BTAF1: variants seen among roughly 807,000 people sequenced by gnomAD.
BTAF1 encodes TATA-binding protein-associated factor 172.
Under a neutral mutation model 227.1 loss-of-function variants are expected in BTAF1, and 38 were observed. The observed-to-expected ratio is 0.17, with a 90% CI of 0.13 to 0.22. The LOEUF (loss-of-function observed/expected upper bound fraction) is 0.22. Ranked by LOEUF, BTAF1 falls within the 10% of genes least tolerant of loss-of-function variation. The probability of loss-of-function intolerance (pLI) is 1.00; values close to 1 mark genes in which losing one functional copy is unlikely to be tolerated. For synonymous variants in BTAF1, 742 were observed against 751.9 expected (o/e 0.99, Z 0.21); for missense variants, 1,598 against 2,204.0 (o/e 0.73, Z 5.51).
Position 92,029,506 on chromosome 10 carries a change from T to C in BTAF1, c.*573T>C, listed in dbSNP as rs1448298177. 1 of 152,142 alleles carries C rather than the reference T, an allele frequency of 6.6e-6. No individual in the cohort carries two copies. Among genetic ancestry groups the C allele is most frequent in the Non-Finnish European group, 1.5e-5 (1 of 67,910 alleles). The allele number at this position is 152,142 out of a possible 1,614,324, so 9.4% of individuals were successfully genotyped here. A position where few individuals can be genotyped will look rare whatever the true frequency, so the allele number is the denominator to read the frequency against. ...ATGCAGATGCATAGTGTTTTTCAAA[T>C]CTTTAACATCATTTTTTCAACTTTT... On this transcript the variant is annotated 3_prime_UTR_variant, in exon 38 of 38. Coordinates refer to ENST00000265990, the MANE Select transcript of BTAF1 (RefSeq NM_003972.3).
intron 14 of BTAF1, among the ~76,000 whole-genome samples, chr10:91,975,749 T>C (rs1354991159): frequency 6.6e-6 from 1 of 152,162 alleles, no homozygotes; most frequent in Non-Finnish European, 1.5e-5. Context: ...GTGTACCCAT[T>C]TTGTGGGAAG....
In BTAF1 at chr10:91,982,710, A is replaced by G. The variant is rs1225782546; in HGVS notation, c.2172A>G (p.Leu724=). The G allele has an allele frequency of 3.1e-6, 5 of 1,613,822 alleles. No individual in the cohort carries two copies. In the South Asian group the frequency reaches 5.5e-5, roughly 18 times the overall value. Residue 724 remains leucine (L), a synonymous_variant, in exon 18 of 38, where the codon TTA becomes TTG. Coordinates refer to ENST00000265990, the MANE Select transcript of BTAF1 (RefSeq NM_003972.3). ...LLFHLNSKSA[L]QRISVALVIC... is the part of the protein sequence containing the mutation. ...TCCATTTGAACTCCAAGTCTGCTTT[A>G]CAGAGGATTAGTGTAGCTTTGGTAA... is the stretch of plus-strand genomic sequence containing the variant.
chr10:91,951,487 G>A lies in BTAF1; in HGVS notation c.485G>A (p.Gly162Glu), dbSNP rs373667435. 6.2e-7 allele frequency: 1 copy of A among 1,613,082 alleles called. No individual in the cohort carries two copies. Among genetic ancestry groups the A allele is most frequent in the Non-Finnish European group, 8.5e-7 (1 of 1,179,608 alleles). ...KLGLNMGEAI[G>E]MSTEELFNDE... ...GGCCTTAATATGGGAGAAGCAATTG[G>A]AATGAGTACTGAAGAACTTTTCAAT... Residue 162 changes from glycine to glutamate, a missense_variant, in exon 5 of 38, where the codon GGA becomes GAA. Physicochemically the swap from Gly to Glu is moderately conservative, Grantham distance 98 (BLOSUM62 -2). Coordinates refer to ENST00000265990, the MANE Select transcript of BTAF1 (RefSeq NM_003972.3).
chr10:91,954,553 GTTT>G (rs372549424), intron 6 of BTAF1, among the ~76,000 whole-genome samples: 1 of 147,420 alleles, frequency 6.8e-6, no homozygotes, highest in Non-Finnish European at 1.5e-5. Context: ...AAAAAATGCT[GTTT>G]TTTTTTTGTT....
At chr10:91,993,556 C>A (rs932610430) in intron 21 of BTAF1, 138 bp from the exon 22 acceptor site, 4 of 655,790 alleles carry the variant, frequency 6.1e-6, no homozygotes, top group Non-Finnish European at 6.8e-6. Flanking sequence ...TTGAGACAAA[C>A]ATGTCTAATA....
intron 7 of BTAF1, 90 bp downstream of exon 7, chr10:91,956,747 T>C: frequency 7.0e-7 from 1 of 1,423,522 alleles, no homozygotes; most frequent in South Asian, 1.3e-5. Flanking sequence ...CCCAGCACTT[T>C]GGGAGGTCGA....
At chr10:91,931,036 CGTA>C (rs1377699867) in intron 1 of BTAF1, among the ~76,000 whole-genome samples, 2 of 152,132 alleles carry the variant, frequency 1.3e-5, no homozygotes, top group Admixed American at 1.3e-4. Flanking sequence ...TTAACTATGA[CGTA>C]GTAATCTAGG....
intron 17 of BTAF1, 33 bp from the exon 18 acceptor site, chr10:91,982,554 T>G (rs2133986242): frequency 6.4e-7 from 1 of 1,555,828 alleles, no homozygotes; most frequent in Non-Finnish European, 8.7e-7. Flanking sequence ...TTCAAGTAAT[T>G]TCTTATAGTA....
rs574643613 is a variant in BTAF1 at position 91,954,312 on chromosome 10, C to G, written c.701+439C>G. Reference sequence around the variant, plus strand: ...CCCTTAGTAAAGTGGGAGGTATTGTCACGATATTACCTCACCTGTGCCTTA... The same window carrying G: ...CCCTTAGTAAAGTGGGAGGTATTGTGACGATATTACCTCACCTGTGCCTTA... On this transcript the variant is annotated intron_variant, in intron 6 of 37. Coordinates refer to ENST00000265990, the MANE Select transcript of BTAF1 (RefSeq NM_003972.3). Among the ~76,000 whole-genome samples the G allele has an allele frequency of 7.9e-5, 12 of 152,196 alleles. No individual in the cohort carries two copies. In the East Asian group the frequency reaches 1.9e-3, roughly 25 times the overall value.
Position 91,940,052 on chromosome 10 carries a change from C to G in BTAF1, c.239C>G (p.Pro80Arg). Reference protein sequence around the residue: ...VKNVPEWNPVPRTRQEPTSES... With the variant: ...VKNVPEWNPVRRTRQEPTSES... ...AATGTACCTGAGTGGAATCCAGTGCCGAGAACCAGACAAGGTGCTTTTAAG... is the reference window on the plus strand; with the variant it reads ...AATGTACCTGAGTGGAATCCAGTGCGGAGAACCAGACAAGGTGCTTTTAAG... Residue 80 changes from proline (P) to arginine (R), a missense_variant, in exon 3 of 38, where the codon CCG becomes CGG. Transcript: ENST00000265990. 6.2e-7 allele frequency: 1 copy of G among 1,609,022 alleles called. No homozygotes were observed. The highest frequency in any genetic ancestry group is 8.5e-7 in the Non-Finnish European group (1 of 1,176,574).
chr10:91,995,328 A>G (rs985820482), intron 23 of BTAF1, among the ~76,000 whole-genome samples: 4 of 151,862 alleles, frequency 2.6e-5, no homozygotes, highest in South Asian at 4.1e-4. Flanking sequence ...TTTTTTGTAC[A>G]TAGTAATAAA....
chr10:91,980,406 C>T, intron 14 of BTAF1, 48 bp from the exon 15 acceptor site: 2 of 1,344,560 alleles, frequency 1.5e-6, no homozygotes, highest in Non-Finnish European at 2.1e-6. Context: ...GGTAAGCTAA[C>T]ATCCAAGAAT....
intron 25 of BTAF1, among the ~76,000 whole-genome samples, chr10:91,998,978 G>A (rs1180163592): frequency 6.6e-6 from 1 of 151,128 alleles, no homozygotes; most frequent in Non-Finnish European, 1.5e-5. Context: ...CAGGAGAATC[G>A]CTTGAACCTG....
At chr10:91,991,797 G>GTGTATATATATATATATATA (rs1554860529) in intron 20 of BTAF1, among the ~76,000 whole-genome samples, 3 of 10,006 alleles carry the variant, frequency 3.0e-4, no homozygotes, top group Admixed American at 1.6e-3. Context: ...GTGTGTGTGT[G>GTGTATATATATATATATATA]TATATATATA....
At chr10:91,947,163 C>T (rs1240588269) in intron 4 of BTAF1, among the ~76,000 whole-genome samples, 1 of 152,176 alleles carries the variant, frequency 6.6e-6, no homozygotes, top group Admixed American at 6.5e-5. Context: ...ATATTTTCTA[C>T]TGCTCTATAG....
At chr10:92,007,179 A>G (rs895563077) in intron 25 of BTAF1, among the ~76,000 whole-genome samples, 5 of 123,734 alleles carry the variant, frequency 4.0e-5, no homozygotes, top group African/African-American at 6.1e-5. Flanking sequence ...AAAATCGATC[A>G]TTTTTACTGC....
At chr10:91,981,936 C>G in intron 16 of BTAF1, 144 bp downstream of exon 16, 1 of 1,337,308 alleles carries the variant, frequency 7.5e-7, no homozygotes, top group Non-Finnish European at 1.0e-6. Flanking sequence ...AGGACCCTGA[C>G]AAAATGAATA....
rs1846303877 is a variant in BTAF1, at chr10:91,959,108, C to T, written c.944C>T (p.Ala315Val). 1 of 1,614,070 alleles carries T rather than the reference C, an allele frequency of 6.2e-7. No individual in the cohort carries two copies. Residue 315 changes from alanine (A) to valine (V), a missense_variant, in exon 9 of 38, where the codon GCT becomes GTT. By Grantham distance (64) the Ala-to-Val change is moderately conservative. Around this residue, in one of 10 missense-constraint regions of BTAF1, gnomAD observed 298 missense variants for 395.2 expected, o/e 0.75. Transcript: ENST00000265990. ...AGTGLREILKAHGKSGGKMGD... is the reference protein window; with the variant it reads ...AGTGLREILKVHGKSGGKMGD... ...ACTGGACTTAGGGAAATTCTTAAAG[C>T]TCATGGGAAAAGTGGTGGTAAAATG...
Position 91,959,222 on chromosome 10 carries a change from G to A in BTAF1, c.990+68G>A. ...TGGCATCTTTTTCCAATGTAGGGAA[G>A]TAACGAGTATGTGCCGTGAAGTAGG... On this transcript the variant is annotated intron_variant, in intron 9 of 37. Coordinates refer to ENST00000265990, the MANE Select transcript of BTAF1 (RefSeq NM_003972.3). The A allele has an allele frequency of 1.9e-6, 3 of 1,608,672 alleles. No homozygotes were observed. The South Asian group carries it at 3.3e-5, about 18-fold the overall frequency.
Sources: allele counts gnomAD v4.1 joint callset (sites outside exome capture counted in the v4.1 genomes callset), GRCh38; gene constraint gnomAD v4.1.1; regional missense constraint gnomAD v4.1.1; transcripts MANE v1.5; gene names NCBI Gene and HGNC (gene_info 2026-07-23, HGNC 2026-07-21).